GPC5: variants seen among roughly 807,000 people sequenced by gnomAD.
GPC5 encodes the protein glypican-5.
GPC5 carries 47 observed loss-of-function variants against 53.9 expected under a neutral mutation model. That is an observed-to-expected ratio of 0.87 (90% CI 0.69 to 1.11). The LOEUF is 1.11. GPC5 is among the 50% of genes most tolerant of loss of function. The probability of loss-of-function intolerance (pLI) is 0.00; values close to 1 mark genes in which losing one functional copy is unlikely to be tolerated. For synonymous variants in GPC5, 286 were observed against 263.3 expected (o/e 1.09, Z -0.84); for missense variants, 748 against 713.1 (o/e 1.05, Z -0.56).
At chr13:91,438,938 G>A (rs2147193) in intron 1 of GPC5, among the ~76,000 whole-genome samples, 69,703 of 152,086 alleles carry the variant, frequency 0.46, 16,578 homozygotes, top group Middle Eastern at 0.56. Context: ...GTGAGGCTCC[G>A]TGGGCGTAGG....
intron 7 of GPC5, among the ~76,000 whole-genome samples, chr13:92,836,156 T>C (rs1878213489): frequency 6.6e-6 from 1 of 152,110 alleles, no homozygotes; most frequent in African/African-American, 2.4e-5. Context: ...ACAAAAGTTT[T>C]TAGTGTTTGT....
intron 7 of GPC5, among the ~76,000 whole-genome samples, chr13:92,575,638 T>C (rs1174802417): frequency 6.6e-6 from 1 of 152,142 alleles, no homozygotes; most frequent in Non-Finnish European, 1.5e-5. Context: ...TTCCTGTCTT[T>C]CAGAAGTCCT....
chr13:92,460,586 G>T (rs1196515488), intron 7 of GPC5, among the ~76,000 whole-genome samples: 1 of 152,124 alleles, frequency 6.6e-6, no homozygotes, highest in Non-Finnish European at 1.5e-5. Flanking sequence ...AGGGGCTTAT[G>T]CAGTAGTCCT....
rs142572804 is a variant in GPC5 at position 92,717,911 on chromosome 13, A to C, written c.1562-148371A>C. ...AATATAAGGAACTCAACTCAATAGG[A>C]AAAAATCTAATAATCTGATTAAAAA... On this transcript the variant is annotated intron_variant, in intron 7 of 7. Transcript: ENST00000377067. Among the ~76,000 whole-genome samples the C allele has an allele frequency of 1.4e-3, 216 of 151,742 alleles. 4 individuals are homozygous for C. In the East Asian group the frequency reaches 0.04, roughly 28 times the overall value.
At chr13:92,599,723 T>G (rs577907035) in intron 7 of GPC5, among the ~76,000 whole-genome samples, 16 of 152,286 alleles carry the variant, frequency 1.1e-4, no homozygotes, top group African/African-American at 3.6e-4. Context: ...AGAAAACCAG[T>G]TAGGAAGTAA....
At chr13:92,836,627 G>A (rs1473927188) in intron 7 of GPC5, among the ~76,000 whole-genome samples, 1 of 151,914 alleles carries the variant, frequency 6.6e-6, no homozygotes, top group African/African-American at 2.4e-5. Flanking sequence ...CTATATTTAT[G>A]CAGTTATTTC....
At chr13:91,881,805 G>A (rs558050408) in intron 5 of GPC5, among the ~76,000 whole-genome samples, 1 of 152,096 alleles carries the variant, frequency 6.6e-6, no homozygotes, top group Admixed American at 6.6e-5. Context: ...ATGTTACTCT[G>A]TTGATACCTC....
intron 7 of GPC5, among the ~76,000 whole-genome samples, chr13:92,650,039 G>A (rs1566342079): frequency 6.6e-6 from 1 of 152,012 alleles, no homozygotes; most frequent in South Asian, 2.1e-4. Context: ...AGGGATTTTT[G>A]TTGTTGTTTC....
In GPC5 at chr13:92,238,118, C is replaced by T. The variant is rs117143415; in HGVS notation, c.1561+93129C>T. Among the ~76,000 whole-genome samples, 64 of 152,016 alleles carry T rather than the reference C, an allele frequency of 4.2e-4. No homozygotes were observed. The East Asian group carries it at 8.7e-3, about 21-fold the overall frequency. The stretch of plus-strand genomic sequence containing the variant: ...TGTTTTTGTTTGTTATAAAAACGCT[C>T]CTATGAATATTTATGTACATATTTT... On this transcript the variant is annotated intron_variant, in intron 7 of 7. Transcript: ENST00000377067.
intron 7 of GPC5, among the ~76,000 whole-genome samples, chr13:92,819,147 T>C (rs1877589645): frequency 6.6e-6 from 1 of 152,016 alleles, no homozygotes; most frequent in Non-Finnish European, 1.5e-5. Context: ...ATACTTAAAG[T>C]TTCATATCCT....
rs1224787151 is a variant in GPC5 at position 91,399,011 on chromosome 13, G to A, written c.-36G>A. 1 of 1,539,238 alleles carries A rather than the reference G, an allele frequency of 6.5e-7. No homozygotes were observed. Among genetic ancestry groups the A allele is most frequent in the Non-Finnish European group, 8.8e-7 (1 of 1,139,046 alleles). On this transcript the variant is annotated 5_prime_UTR_variant, in exon 1 of 8. Transcript: ENST00000377067. ...AGCCAGGGCGCGCAGGGCGAGTGGG[G>A]TCCACTGGCGGGTAAAGGGGACCAG...
chr13:92,279,009 C>T (rs754367951), intron 7 of GPC5, among the ~76,000 whole-genome samples: 12 of 151,780 alleles, frequency 7.9e-5, no homozygotes, highest in South Asian at 2.1e-4. Flanking sequence ...TATTAAGGGC[C>T]CCTTGTGATT....
chr13:91,942,418 A>G (rs981967342), intron 6 of GPC5, among the ~76,000 whole-genome samples: 5 of 152,076 alleles, frequency 3.3e-5, no homozygotes, highest in African/African-American at 1.2e-4. Flanking sequence ...ATGGAAATCT[A>G]TACTATGAAC....
In GPC5 at chr13:92,613,388, TATATAA is replaced by T. The variant is rs71123417; in HGVS notation, c.1562-252888_1562-252883del. 7.8e-3 allele frequency among the ~76,000 whole-genome samples: 552 copies of T among 70,322 alleles called. 11 individuals carry two copies. Among genetic ancestry groups the T allele is most frequent in the East Asian group, 0.027 (36 of 1,338 alleles). The allele number at this position is 70,322 out of a possible 152,430, so 46.1% of individuals were successfully genotyped here. ...ATTTATATATAAATATATTATATTA[TATATAA>T]ATATATATTATATTATATATAAATA... On this transcript the variant is annotated intron_variant, in intron 7 of 7. Transcript: ENST00000377067.
intron 1 of GPC5, among the ~76,000 whole-genome samples, chr13:91,410,800 A>G (rs1877707559): frequency 6.6e-6 from 1 of 152,154 alleles, no homozygotes; most frequent in Non-Finnish European, 1.5e-5. Context: ...ATATGGTAAA[A>G]TCAAATTTGT....
intron 6 of GPC5, among the ~76,000 whole-genome samples, chr13:92,048,167 A>C (rs2138834351): frequency 6.6e-6 from 1 of 152,266 alleles, no homozygotes; most frequent in African/African-American, 2.4e-5. Flanking sequence ...TGTATTGTTT[A>C]AATAATAAAA....
At chr13:92,420,881 C>T (rs1876527937) in intron 7 of GPC5, among the ~76,000 whole-genome samples, 1 of 152,102 alleles carries the variant, frequency 6.6e-6, no homozygotes, top group African/African-American at 2.4e-5. Context: ...TTTTCTTTTT[C>T]TATTCATCTG....
Position 91,539,455 on chromosome 13 carries a change from G to C in GPC5, c.325+90533G>C, listed in dbSNP as rs532821327. Among the ~76,000 whole-genome samples the C allele has an allele frequency of 2.6e-5, 4 of 152,186 alleles. No homozygotes were observed. The East Asian group carries it at 7.7e-4, about 29-fold the overall frequency. ...TTCCCAGGCAGGCTGCCTCCAAGTG[G>C]GAGCAAAGTACCTCAGTAGCTGTAG... On this transcript the variant is annotated intron_variant, in intron 2 of 7. Transcript: ENST00000377067.
chr13:92,548,084 C>T (rs1882189622), intron 7 of GPC5, among the ~76,000 whole-genome samples: 1 of 150,976 alleles, frequency 6.6e-6, no homozygotes, highest in Non-Finnish European at 1.5e-5. Flanking sequence ...CGTGATCCGC[C>T]CGCCTCAGCC....
Sources: allele counts gnomAD v4.1 joint callset (sites outside exome capture counted in the v4.1 genomes callset), GRCh38; gene constraint gnomAD v4.1.1; transcripts MANE v1.5; gene names NCBI Gene and HGNC (gene_info 2026-07-23, HGNC 2026-07-21).